SCG3: variants seen among roughly 807,000 people sequenced by gnomAD.
SCG3 encodes secretogranin-3.
A neutral mutation model predicts 56.2 loss-of-function variants in SCG3; 38 were observed. The ratio of observed to expected loss-of-function variants is 0.68; its 90% CI spans 0.52 to 0.89. SCG3 has a LOEUF of 0.89. Among genes scored for constraint, SCG3 ranks in the 40% least tolerant of loss-of-function variants. SCG3 has a pLI of 0.00. For synonymous variants in SCG3, 176 were observed against 184.2 expected (o/e 0.96, Z 0.36); for missense variants, 524 against 540.7 (o/e 0.97, Z 0.31).
chr15:51,689,704 C>A (rs536159909), intron 6 of SCG3, among the ~76,000 whole-genome samples: 2 of 151,988 alleles, frequency 1.3e-5, no homozygotes, highest in Non-Finnish European at 2.9e-5. Flanking sequence ...GGAAGATCGC[C>A]TGAGGCCAGG....
intron 10 of SCG3, among the ~76,000 whole-genome samples, chr15:51,712,814 C>G (rs2055429180): frequency 6.6e-6 from 1 of 152,154 alleles, no homozygotes; most frequent in Non-Finnish European, 1.5e-5. Flanking sequence ...GCCTCTTTGT[C>G]TAAGTTTTTG....
chr15:51,694,424 G>C (rs930488429), intron 7 of SCG3, among the ~76,000 whole-genome samples: 8 of 152,092 alleles, frequency 5.3e-5, no homozygotes, highest in Non-Finnish European at 1.2e-4. Context: ...TTCCAGGCAA[G>C]TGGAAAAAAA....
chr15:51,697,333 C>G (rs1449115363), intron 8 of SCG3, among the ~76,000 whole-genome samples: 2 of 152,142 alleles, frequency 1.3e-5, no homozygotes, highest in Non-Finnish European at 2.9e-5. Flanking sequence ...AGTCAATTAT[C>G]CTATGGAAAT....
At chr15:51,698,530 C>T (rs2055318765) in intron 8 of SCG3, among the ~76,000 whole-genome samples, 1 of 152,162 alleles carries the variant, frequency 6.6e-6, no homozygotes, top group African/African-American at 2.4e-5. Context: ...TTAGTGAAAG[C>T]CCTGAAAGAC....
chr15:51,688,696 GT>G (rs889483005), intron 5 of SCG3, among the ~76,000 whole-genome samples: 32 of 152,254 alleles, frequency 2.1e-4, no homozygotes, highest in African/African-American at 7.7e-4. Flanking sequence ...AGGAAGAGGC[GT>G]ATGAAGGAAG....
At chr15:51,682,665 T>A in intron 2 of SCG3, 96 bp downstream of exon 2, 1 of 769,048 alleles carries the variant, frequency 1.3e-6, no homozygotes, top group Middle Eastern at 3.3e-4. Context: ...ATTTTGAATT[T>A]ACAAACATCA....
chr15:51,688,159 T>C lies in SCG3; in HGVS notation c.398-101T>C, dbSNP rs2055241160. On this transcript the variant is annotated intron_variant, in intron 4 of 11. Coordinates refer to ENST00000220478, the MANE Select transcript of SCG3 (RefSeq NM_013243.4). Reference sequence around the variant, plus strand: ...AACCACCATAAATACATTTCAAACATATCTGAATATACAAAAGCGAAGTAC... The same window carrying C: ...AACCACCATAAATACATTTCAAACACATCTGAATATACAAAAGCGAAGTAC... 3 of 1,130,930 alleles carry C rather than the reference T, an allele frequency of 2.7e-6. No individual in the cohort carries two copies. In the East Asian group the frequency reaches 7.4e-5, roughly 28 times the overall value. 70.1% of individuals were successfully genotyped at this position (1,130,930 alleles called of 1,614,324 possible). A position where few individuals can be genotyped will look rare whatever the true frequency, so the allele number is the denominator to read the frequency against.
In SCG3 at chr15:51,681,779, T is replaced by A; in HGVS notation, c.24T>A (p.Thr8=). Reference sequence around the variant, plus strand: ...GAATGGGGTTCCTCGGGACCGGCACTTGGATTCTGGTGTTAGTGCTCCCGA... The same window carrying A: ...GAATGGGGTTCCTCGGGACCGGCACATGGATTCTGGTGTTAGTGCTCCCGA... MGFLGTG[T]WILVLVLPIQ... The change falls in exon 1 of 12, where the codon ACT becomes ACA. Residue 8 remains threonine (T), a synonymous_variant. Transcript: ENST00000220478. 1.9e-6 allele frequency: 3 copies of A among 1,614,138 alleles called. No individual in the cohort carries two copies. Among genetic ancestry groups the A allele is most frequent in the Non-Finnish European group, 2.5e-6 (3 of 1,180,002 alleles).
chr15:51,699,654 C>T (rs1184305144), intron 9 of SCG3, among the ~76,000 whole-genome samples: 1 of 152,140 alleles, frequency 6.6e-6, no homozygotes, highest in African/African-American at 2.4e-5. Flanking sequence ...GGCTAGGAAT[C>T]TTAGGTGGAA....
chr15:51,683,321 G>C lies in SCG3; in HGVS notation c.284G>C (p.Arg95Thr), dbSNP rs1225265721. 6.2e-7 allele frequency: 1 copy of C among 1,613,442 alleles called. No homozygotes were observed. Residue 95 changes from arginine to threonine, a missense_variant, in exon 4 of 12, where the codon AGA becomes ACA. Coordinates refer to ENST00000220478, the MANE Select transcript of SCG3 (RefSeq NM_013243.4). The part of the protein sequence containing the change: ...EKIEKERQSI[R>T]SSPLDNKLNV... Reference sequence around the variant, plus strand: ...ATTGAGAAAGAAAGACAATCTATAAGAAGCTCCCCACTTGATAATAAGTTG... The same window carrying C: ...ATTGAGAAAGAAAGACAATCTATAACAAGCTCCCCACTTGATAATAAGTTG...
chr15:51,709,057 T>A (rs1345216729), intron 10 of SCG3, among the ~76,000 whole-genome samples: 1 of 152,086 alleles, frequency 6.6e-6, no homozygotes, highest in Admixed American at 6.6e-5. Flanking sequence ...ACTGGGTAAT[T>A]TATAAAGGAA....
chr15:51,686,679 T>TTTTG (rs1158901062), intron 4 of SCG3, among the ~76,000 whole-genome samples: 1 of 55,396 alleles, frequency 1.8e-5, no homozygotes, highest in Non-Finnish European at 3.4e-5. Flanking sequence ...AGAACTGATT[T>TTTTG]TATGTTTGTT....
rs2055487963 is a variant in SCG3, at chr15:51,720,281, G to C, written c.*755G>C. 6.6e-6 allele frequency: 1 copy of C among 152,256 alleles called. No individual in the cohort carries two copies. Among genetic ancestry groups the C allele is most frequent in the Non-Finnish European group, 1.5e-5 (1 of 68,062 alleles). The allele number at this position is 152,256 out of a possible 1,614,324, so 9.4% of individuals were successfully genotyped here. On this transcript the variant is annotated 3_prime_UTR_variant, in exon 12 of 12. Coordinates refer to ENST00000220478, the MANE Select transcript of SCG3 (RefSeq NM_013243.4). ...TGCCACATCTCAGTTATCTAAACTA[G>C]ATTAGATCCAAGCCAAGTTTTCTCA...
rs1272194763 is a variant in SCG3 at position 51,704,270 on chromosome 15, TATATATATAA to T, written c.1207+3028_1207+3037del. On this transcript the variant is annotated intron_variant, in intron 10 of 11. Transcript: ENST00000220478. ...ATATATATATATATATATATATATA[TATATATATAA>T]AATAGCTCTTTTTTGAAATTGTGGT... 2.8e-3 allele frequency among the ~76,000 whole-genome samples: 372 copies of T among 132,594 alleles called. 3 individuals carry two copies. Among genetic ancestry groups the T allele is most frequent in the African/African-American group, 9.9e-3 (330 of 33,166 alleles). 87.0% of individuals were successfully genotyped at this position (132,594 alleles called of 152,430 possible).
At position 51,683,299 on chromosome 15, in the gene SCG3, GAGAA is replaced by G. The variant is rs1234637195; in HGVS notation, c.270_273del (p.Glu90AspfsTer4). 1.9e-6 allele frequency: 3 copies of G among 1,613,650 alleles called. No individual in the cohort carries two copies. The highest frequency in any genetic ancestry group is 2.5e-6 in the Non-Finnish European group (3 of 1,179,686). ...GGCAATAACAGAAAAGGAAAAAATT[GAGAA>G]AGAAAGACAATCTATAAGAAGCTCC... On this transcript the variant is annotated frameshift_variant, in exon 4 of 12. Coordinates refer to ENST00000220478, the MANE Select transcript of SCG3 (RefSeq NM_013243.4). LOFTEE classifies it high-confidence loss of function.
rs921177507 is a variant in SCG3, at chr15:51,681,540, C to T, written c.-216C>T. ...GCACCCACAGGGCGGACAGCGCTCC[C>T]CTCTACCTGGAGACTTGACTCCCGC... is the stretch of plus-strand genomic sequence containing the variant. On this transcript the variant is annotated 5_prime_UTR_variant, in exon 1 of 12. Transcript: ENST00000220478. 11 of 577,944 alleles carry T rather than the reference C, an allele frequency of 1.9e-5. No homozygotes were observed. In the African/African-American group the frequency reaches 2.1e-4, roughly 11 times the overall value. 35.8% of individuals were successfully genotyped at this position (577,944 alleles called of 1,614,324 possible). A position where few individuals can be genotyped will look rare whatever the true frequency, so the allele number is the denominator to read the frequency against.
chr15:51,688,236 T>C (rs764327371), intron 4 of SCG3, 24 bp from the exon 5 acceptor site: 16 of 1,603,080 alleles, frequency 1.0e-5, no homozygotes, highest in Non-Finnish European at 1.3e-5. Flanking sequence ...CACTATGGTG[T>C]GAAGTTGTGG....
Position 51,688,391 on chromosome 15 carries a change from A to G in SCG3, c.529A>G (p.Asn177Asp). Reference sequence around the variant, plus strand: ...TGACAAGATTGTTTCTAAACTACTTAATCTCGGCCTTGTAAGTCATTTGGT... The same window carrying G: ...TGACAAGATTGTTTCTAAACTACTTGATCTCGGCCTTGTAAGTCATTTGGT... ...VFDKIVSKLL[N>D]LGLITESQAH... The change falls in exon 5 of 12, where the codon AAT becomes GAT. Residue 177 changes from asparagine to aspartate, a missense_variant. Physicochemically the swap from Asn to Asp is conservative, Grantham distance 23. Transcript: ENST00000220478. 6.2e-7 allele frequency: 1 copy of G among 1,613,442 alleles called. No individual in the cohort carries two copies. Among genetic ancestry groups the G allele is most frequent in the African/African-American group, 1.3e-5 (1 of 75,028 alleles).
In SCG3 at chr15:51,719,714, G is replaced by A. The variant is rs543161485; in HGVS notation, c.*188G>A. 4 of 557,616 alleles carry A rather than the reference G, an allele frequency of 7.2e-6. No homozygotes were observed. In the South Asian group the frequency reaches 9.8e-5, roughly 14 times the overall value. 34.5% of individuals were successfully genotyped at this position (557,616 alleles called of 1,614,324 possible). On this transcript the variant is annotated 3_prime_UTR_variant, in exon 12 of 12. Coordinates refer to ENST00000220478, the MANE Select transcript of SCG3 (RefSeq NM_013243.4). Reference sequence around the variant, plus strand: ...CCCGTAAAAACTATCTGAAAGTAAAGTTGTATGTAAGCTGAGATTTTGTAT... The same window carrying A: ...CCCGTAAAAACTATCTGAAAGTAAAATTGTATGTAAGCTGAGATTTTGTAT...
Sources: gnomAD v4.1 joint callset for allele counts (sites outside exome capture counted in the v4.1 genomes callset) on GRCh38, gnomAD v4.1.1 for gene constraint, MANE v1.5 for transcripts, NCBI Gene and HGNC (gene_info 2026-07-23, HGNC 2026-07-21) for gene names.